Variants in FAM184A observed in about 807,000 individuals in gnomAD.
FAM184A encodes the protein protein FAM184A.
Under a neutral mutation model 143.8 loss-of-function variants are expected in FAM184A, and 99 were observed. The observed-to-expected ratio is 0.69, with a 90% CI of 0.58 to 0.81. The LOEUF is 0.81. Among genes scored for constraint, FAM184A ranks in the 40% least tolerant of loss-of-function variants. FAM184A has a pLI of 0.00. For missense variants in FAM184A, 1,217 were observed against 1,310.5 expected (o/e 0.93, Z 1.10); for synonymous variants, 427 against 446.4 (o/e 0.96, Z 0.55).
chr6:119,123,067 C>T (rs1017110247), intron 1 of FAM184A, among the ~76,000 whole-genome samples: 8 of 141,520 alleles, frequency 5.7e-5, no homozygotes, highest in Non-Finnish European at 9.3e-5. Context: ...CTGGCCAGAA[C>T]CACTCCATGG....
chr6:119,059,863 C>T lies in FAM184A; in HGVS notation c.159+18278G>A, dbSNP rs957826206. On this transcript the variant is annotated intron_variant, in intron 1 of 17. Transcript: ENST00000338891. Reference sequence around the variant, plus strand: ...ATCTACGCTCACAAGTATTATTTTGCCAGAAAAGCACATTTTAATATTTTC... The same window carrying T: ...ATCTACGCTCACAAGTATTATTTTGTCAGAAAAGCACATTTTAATATTTTC... Among the ~76,000 whole-genome samples the T allele has an allele frequency of 2.0e-5, 3 of 152,158 alleles. No homozygotes were observed. The East Asian group carries it at 5.8e-4, about 29-fold the overall frequency.
chr6:119,103,287 G>A (rs888547440), intron 1 of FAM184A, among the ~76,000 whole-genome samples: 3 of 152,172 alleles, frequency 2.0e-5, no homozygotes, highest in African/African-American at 7.2e-5. Context: ...GATCCAAGAT[G>A]ACATTGATGA....
intron 1 of FAM184A, among the ~76,000 whole-genome samples, chr6:119,146,376 G>T (rs1052704707): frequency 1.3e-5 from 2 of 150,550 alleles, no homozygotes; most frequent in Admixed American, 6.6e-5. Flanking sequence ...CTGCTCTTCA[G>T]TGCCTTTCCC....
At chr6:119,097,350 A>G (rs1342608974) in intron 1 of FAM184A, among the ~76,000 whole-genome samples, 2 of 152,200 alleles carry the variant, frequency 1.3e-5, no homozygotes, top group East Asian at 3.8e-4. Flanking sequence ...TTAAAAGCAA[A>G]GACAAACAAA....
Position 119,044,569 on chromosome 6 carries a change from C to T in FAM184A, c.160-19756G>A, listed in dbSNP as rs1786458514. ...CTGCATTTCAGCCTGGGTAACAAAG[C>T]GAGAACTTGTCTCTCTTTAATTAAA... On this transcript the variant is annotated intron_variant, in intron 1 of 17. Coordinates refer to ENST00000338891, the MANE Select transcript of FAM184A (RefSeq NM_024581.6). Among the ~76,000 whole-genome samples the T allele has an allele frequency of 2.0e-5, 3 of 148,626 alleles. No homozygotes were observed. The South Asian group carries it at 6.4e-4, about 32-fold the overall frequency.
chr6:119,023,558 C>A (rs531190489), intron 2 of FAM184A, among the ~76,000 whole-genome samples: 1 of 115,490 alleles, frequency 8.7e-6, no homozygotes, highest in Non-Finnish European at 1.8e-5. Flanking sequence ...ATTGTCCGCC[C>A]CCCCCCCCAG....
intron 9 of FAM184A, among the ~76,000 whole-genome samples, chr6:118,994,076 C>A (rs1003602340): frequency 3.9e-5 from 6 of 152,170 alleles, no homozygotes; most frequent in Admixed American, 1.3e-4. Context: ...CTGGCCAGGT[C>A]TCAGGTAAAG....
intron 1 of FAM184A, among the ~76,000 whole-genome samples, chr6:119,131,333 G>T (rs1427021120): frequency 8.3e-6 from 1 of 121,118 alleles, no homozygotes; most frequent in East Asian, 2.5e-4. Context: ...ATATTGCAAG[G>T]CTCAGTAATA....
chr6:118,995,439 C>T (rs1290895985), intron 9 of FAM184A, among the ~76,000 whole-genome samples: 3 of 152,018 alleles, frequency 2.0e-5, no homozygotes, highest in Non-Finnish European at 4.4e-5. Flanking sequence ...AAAAAATGTC[C>T]AATTTCAACA....
intron 17 of FAM184A, among the ~76,000 whole-genome samples, chr6:118,961,240 A>C (rs1287576014): frequency 2.0e-5 from 3 of 151,696 alleles, no homozygotes; most frequent in Admixed American, 2.0e-4. Flanking sequence ...AATTTTTAAA[A>C]TTATTTATTT....
chr6:119,029,042 G>T (rs1336179452), intron 1 of FAM184A, among the ~76,000 whole-genome samples: 1 of 152,144 alleles, frequency 6.6e-6, no homozygotes, highest in Non-Finnish European at 1.5e-5. Context: ...CTCATATAGG[G>T]ACACTAAGGA....
intron 1 of FAM184A, among the ~76,000 whole-genome samples, chr6:119,045,443 G>A (rs1472567825): frequency 6.6e-6 from 1 of 152,080 alleles, no homozygotes; most frequent in Non-Finnish European, 1.5e-5. Context: ...CCTAGGGCTG[G>A]CTCAAGGTCA....
At chr6:119,112,125 T>TTTTCTTTC (rs1022190181) in intron 1 of FAM184A, among the ~76,000 whole-genome samples, 1 of 151,974 alleles carries the variant, frequency 6.6e-6, no homozygotes, top group African/African-American at 2.4e-5. Flanking sequence ...TTCTTTTTTC[T>TTTTCTTTC]TTTCTTTCTT....
chr6:119,045,457 G>A (rs139809547), intron 1 of FAM184A, among the ~76,000 whole-genome samples: 32 of 152,210 alleles, frequency 2.1e-4, no homozygotes, highest in African/African-American at 7.7e-4. Context: ...AAGGTCACAT[G>A]CAGGCCTCTG....
At chr6:119,044,537 C>A (rs1786457038) in intron 1 of FAM184A, among the ~76,000 whole-genome samples, 1 of 151,208 alleles carries the variant, frequency 6.6e-6, no homozygotes, top group South Asian at 2.1e-4. Context: ...AAGCTATGAT[C>A]TTGTCACTGC....
chr6:119,010,653 G>A (rs1450785829), intron 6 of FAM184A, among the ~76,000 whole-genome samples: 1 of 152,048 alleles, frequency 6.6e-6, no homozygotes, highest in East Asian at 1.9e-4. Flanking sequence ...TGCTTATGGT[G>A]TGTTTTGATA....
chr6:119,002,822 A>T (rs3756940), intron 9 of FAM184A, 77 bp downstream of exon 9: 447,646 of 1,278,648 alleles, frequency 0.35, 83,686 homozygotes, highest in East Asian at 0.68. Flanking sequence ...CAGTGAATTA[A>T]CAGAGTTTTA....
rs1223878512 is a variant in FAM184A, at chr6:119,006,163, G to C, written c.1815+284C>G. ...ATGTTGCCGAATGCCAAGAATGCCT[G>C]GTGCTACCAGAAGCTGGAAAATACA... On this transcript the variant is annotated intron_variant, in intron 7 of 17. Coordinates refer to ENST00000338891, the MANE Select transcript of FAM184A (RefSeq NM_024581.6). 9.2e-6 allele frequency: 7 copies of C among 765,016 alleles called. No homozygotes were observed. In the Admixed American group the frequency reaches 1.2e-4, roughly 13 times the overall value. 47.4% of individuals were successfully genotyped at this position (765,016 alleles called of 1,614,324 possible). A position where few individuals can be genotyped will look rare whatever the true frequency, so the allele number is the denominator to read the frequency against.
At chr6:119,032,490 GGGGAGA>G (rs1445090132) in intron 1 of FAM184A, among the ~76,000 whole-genome samples, 1 of 150,222 alleles carries the variant, frequency 6.7e-6, no homozygotes, top group African/African-American at 2.5e-5. Context: ...GGTGGGGGAG[GGGGAGA>G]GGGAGAGGGA....
Sources: gnomAD v4.1 joint callset for allele counts (sites outside exome capture counted in the v4.1 genomes callset) on GRCh38, gnomAD v4.1.1 for gene constraint, MANE v1.5 for transcripts, NCBI Gene and HGNC (gene_info 2026-07-23, HGNC 2026-07-21) for gene names.